Variants in ALDH1L2 observed in about 807,000 individuals in gnomAD.
ALDH1L2 encodes mitochondrial 10-formyltetrahydrofolate dehydrogenase.
In ALDH1L2, 91 loss-of-function variants were observed where a neutral mutation model predicts 111.0. The ratio of observed to expected loss-of-function variants is 0.82; its 90% CI spans 0.69 to 0.98. The LOEUF is 0.98. Among genes scored for constraint, ALDH1L2 ranks in the 50% least tolerant of loss-of-function variants. The pLI, the probability that ALDH1L2 is intolerant of heterozygous loss-of-function variation, is 0.00. For synonymous variants in ALDH1L2, 374 were observed against 392.6 expected (o/e 0.95, Z 0.56); for missense variants, 995 against 1,126.8 (o/e 0.88, Z 1.67).
At chr12:105,035,598 G>A (rs989705818) in intron 18 of ALDH1L2, among the ~76,000 whole-genome samples, 4 of 152,048 alleles carry the variant, frequency 2.6e-5, no homozygotes, top group African/African-American at 7.2e-5. Context: ...GATTATAGGC[G>A]TAAGCCACCA....
At chr12:105,039,833 A>G (rs1875414484) in intron 16 of ALDH1L2, 27 bp from the exon 17 acceptor site, 1 of 1,603,390 alleles carries the variant, frequency 6.2e-7, no homozygotes, top group Admixed American at 1.7e-5. Flanking sequence ...TAAAACGGGA[A>G]TTAAAACATA....
chr12:105,066,717 G>T (rs768316821), intron 4 of ALDH1L2, 48 bp from the exon 5 acceptor site: 10 of 1,520,244 alleles, frequency 6.6e-6, no homozygotes, highest in Non-Finnish European at 9.1e-6. Context: ...ATCAACAATG[G>T]CATGGTCTAT....
At position 105,031,898 on chromosome 12, in the gene ALDH1L2, G is replaced by A. The variant is rs1874721016; in HGVS notation, c.2281C>T (p.Leu761Phe). 3 of 1,614,114 alleles carry A rather than the reference G, an allele frequency of 1.9e-6. No individual in the cohort carries two copies. The highest frequency in any genetic ancestry group is 2.5e-6 in the Non-Finnish European group (3 of 1,180,028). ...EIKKMKIGDP[L>F]DRSTDHGPQN... ...GGCCCATGATCAGTGGATCTGTCAAGTGGATCACCAATTTTCATCTTTTTA... is the reference window on the plus strand; with the variant it reads ...GGCCCATGATCAGTGGATCTGTCAAATGGATCACCAATTTTCATCTTTTTA... Residue 761 changes from leucine (L) to phenylalanine (F), a missense_variant, in exon 20 of 23, where the codon CTT (leucine) becomes TTT (phenylalanine). Leu to Phe is a conservative substitution (Grantham distance 22, BLOSUM62 0). Coordinates refer to ENST00000258494, the MANE Select transcript of ALDH1L2 (RefSeq NM_001034173.4).
Position 105,023,220 on chromosome 12 carries a change from T to C in ALDH1L2, c.*1204A>G, listed in dbSNP as rs1011480179. 1 of 152,216 alleles carries C rather than the reference T, an allele frequency of 6.6e-6. No homozygotes were observed. Among genetic ancestry groups the C allele is most frequent in the Non-Finnish European group, 1.5e-5 (1 of 68,032 alleles). The allele number at this position is 152,216 out of a possible 1,614,324, so 9.4% of individuals were successfully genotyped here. A position where few individuals can be genotyped will look rare whatever the true frequency, so the allele number is the denominator to read the frequency against. On this transcript the variant is annotated 3_prime_UTR_variant, in exon 23 of 23. Transcript: ENST00000258494. ...CAACCTAGGCTCTGAGATATTAGAT[T>C]ACTATCTTGCCCAAGATCACACAGC... is the stretch of plus-strand genomic sequence containing the variant.
intron 2 of ALDH1L2, 136 bp downstream of exon 2, chr12:105,073,725 A>C: frequency 8.0e-7 from 1 of 1,255,860 alleles, no homozygotes; most frequent in Non-Finnish European, 1.1e-6. Flanking sequence ...CCTGATTCCC[A>C]CTCTTTTCCT....
intron 1 of ALDH1L2, among the ~76,000 whole-genome samples, chr12:105,078,373 C>T (rs568869744): frequency 2.7e-4 from 41 of 152,238 alleles, no homozygotes; most frequent in Admixed American, 1.3e-3. Flanking sequence ...GCAGGAGGAT[C>T]GCTTGAACCC....
chr12:105,072,194 G>T (rs1007036758), intron 2 of ALDH1L2, among the ~76,000 whole-genome samples: 1 of 147,044 alleles, frequency 6.8e-6, no homozygotes, highest in African/African-American at 2.5e-5. Context: ...TATCCTATAT[G>T]ATATATACAT....
intron 9 of ALDH1L2, 78 bp from the exon 10 acceptor site, chr12:105,058,298 G>A: frequency 1.4e-6 from 2 of 1,467,508 alleles, no homozygotes; most frequent in South Asian, 2.9e-5. Context: ...CACTTGTCAA[G>A]TTGTTTTGAG....
chr12:105,039,730 G>A lies in ALDH1L2; in HGVS notation c.2028C>T (p.Gly676=). ...ACCAATACCTCTTCATGATCTGTTT[G>A]CCAATAGGAGTGGATCCAGTGAAAC... is the stretch of plus-strand genomic sequence containing the variant. ...KLGFTGSTPI[G]KQIMKSCAVS... The change falls in exon 17 of 23, where the codon GGC becomes GGT. Residue 676 remains glycine, a synonymous_variant. Coordinates refer to ENST00000258494, the MANE Select transcript of ALDH1L2 (RefSeq NM_001034173.4). 6.2e-7 allele frequency: 1 copy of A among 1,613,844 alleles called. No homozygotes were observed. The highest frequency in any genetic ancestry group is 8.5e-7 in the Non-Finnish European group (1 of 1,179,800).
At chr12:105,027,047 A>C (rs1192135972) in intron 21 of ALDH1L2, among the ~76,000 whole-genome samples, 2 of 152,232 alleles carry the variant, frequency 1.3e-5, no homozygotes, top group South Asian at 2.1e-4. Flanking sequence ...TTTTTAAAAA[A>C]ATTTTTTTGT....
chr12:105,079,091 G>A (rs1249544344), intron 1 of ALDH1L2, among the ~76,000 whole-genome samples: 1 of 152,212 alleles, frequency 6.6e-6, no homozygotes, highest in Non-Finnish European at 1.5e-5. Context: ...GACTGCTTAG[G>A]TAACTCTGGA....
At chr12:105,037,851 G>A (rs1023113167) in intron 18 of ALDH1L2, among the ~76,000 whole-genome samples, 4 of 150,486 alleles carry the variant, frequency 2.7e-5, no homozygotes, top group Non-Finnish European at 4.4e-5. Flanking sequence ...TGCAACCTCC[G>A]CCTCCTGGGT....
In ALDH1L2 at chr12:105,035,636, G is replaced by C. The variant is rs78896041; in HGVS notation, c.2146-1238C>G. Among the ~76,000 whole-genome samples the C allele has an allele frequency of 5.2e-3, 797 of 152,086 alleles. 24 individuals carry two copies. The East Asian group carries it at 0.093, about 18-fold the overall frequency. On this transcript the variant is annotated intron_variant, in intron 18 of 22. Coordinates refer to ENST00000258494, the MANE Select transcript of ALDH1L2 (RefSeq NM_001034173.4). ...TGCAGCCATAAATCATAAATATTTA[G>C]AAAGCCTCTCTAACCCCCTCATGAA...
At chr12:105,068,640 G>A (rs891796078) in intron 4 of ALDH1L2, 79 bp downstream of exon 4, 2 of 1,251,114 alleles carry the variant, frequency 1.6e-6, no homozygotes, top group African/African-American at 3.1e-5. Context: ...AAATTCATAT[G>A]GATAATTTCT....
At position 105,067,231 on chromosome 12, in the gene ALDH1L2, A is replaced by AAAAAG. The variant is rs1388285452; in HGVS notation, c.595-567_595-563dup. Among the ~76,000 whole-genome samples, 90 of 146,178 alleles carry AAAAAG rather than the reference A, an allele frequency of 6.2e-4. 1 individual carries two copies. Among genetic ancestry groups the AAAAAG allele is most frequent in the African/African-American group, 6.6e-4 (26 of 39,216 alleles). On this transcript the variant is annotated intron_variant, in intron 4 of 22. Coordinates refer to ENST00000258494, the MANE Select transcript of ALDH1L2 (RefSeq NM_001034173.4). ...ACTCTGTCTCAAAAAAAAAAAAAAAAAAAAGAAAAGAAAAAGAAAAAGAGC... is the reference window on the plus strand; with the variant it reads ...ACTCTGTCTCAAAAAAAAAAAAAAAAAAAAGAAAAGAAAAGAAAAAGAAAAAGAGC...
chr12:105,084,343 A>G, intron 1 of ALDH1L2, 46 bp downstream of exon 1: 1 of 1,504,684 alleles, frequency 6.6e-7, no homozygotes, highest in Non-Finnish European at 8.8e-7. Flanking sequence ...GAGTCTGGAA[A>G]CCAGGACAGG....
chr12:105,059,267 AAATAATAAT>A (rs56329502), intron 9 of ALDH1L2, among the ~76,000 whole-genome samples: 19,148 of 138,020 alleles, frequency 0.14, 1,458 homozygotes, highest in East Asian at 0.18. Flanking sequence ...CTCTGTCTCA[AAATAATAAT>A]AATAATAATA....
Position 105,028,664 on chromosome 12 carries a change from A to G in ALDH1L2, c.2516+1660T>C, listed in dbSNP as rs1032086084. Among the ~76,000 whole-genome samples, 5 of 152,208 alleles carry G rather than the reference A, an allele frequency of 3.3e-5. No homozygotes were observed. The East Asian group carries it at 9.6e-4, about 29-fold the overall frequency. ...ATGCATTGCATATGGTAGGGACCCA[A>G]ATATTTATAGAATGGACTAGAGGGA... On this transcript the variant is annotated intron_variant, in intron 21 of 22. Coordinates refer to ENST00000258494, the MANE Select transcript of ALDH1L2 (RefSeq NM_001034173.4).
chr12:105,079,454 G>A (rs11112360), intron 1 of ALDH1L2, among the ~76,000 whole-genome samples: 21,021 of 152,086 alleles, frequency 0.14, 1,635 homozygotes, highest in East Asian at 0.23. Flanking sequence ...TTAAAAGGAG[G>A]GATGTCAGTA....
Sources: gnomAD v4.1 joint callset for allele counts (sites outside exome capture counted in the v4.1 genomes callset) on GRCh38, gnomAD v4.1.1 for gene constraint, MANE v1.5 for transcripts, NCBI Gene and HGNC (gene_info 2026-07-23, HGNC 2026-07-21) for gene names.